The following ARHGAP28 variants were observed in gnomAD, a reference collection of about 807,000 sequenced individuals.
ARHGAP28 encodes the protein Rho GTPase activating protein 28, also known as rho GTPase-activating protein 28.
Under a neutral mutation model 90.7 loss-of-function variants are expected in ARHGAP28, and 56 were observed. The observed-to-expected ratio is 0.62, with a 90% CI of 0.50 to 0.77. The LOEUF (loss-of-function observed/expected upper bound fraction) is 0.77, where lower values mean the gene tolerates loss of function less well. ARHGAP28 is among the 30% of genes least tolerant of loss of function. The pLI, the probability that ARHGAP28 is intolerant of heterozygous loss-of-function variation, is 0.00. For missense variants in ARHGAP28, 869 were observed against 900.9 expected, an observed-to-expected ratio of 0.96 and a Z score of 0.45; for synonymous variants, 308 against 323.3, an observed-to-expected ratio of 0.95 and a Z score of 0.51.
At chr18:6,898,258 G>C (rs1012353674) in intron 16 of ARHGAP28, 1 of 451,910 alleles carries the variant, frequency 2.2e-6, no homozygotes, top group African/African-American at 2.0e-5. Flanking sequence ...GGAAGGCATA[G>C]TGACCAGGAA....
chr18:6,747,543 T>A (rs1307187908), intron 1 of ARHGAP28, among the ~76,000 whole-genome samples: 1 of 152,168 alleles, frequency 6.6e-6, no homozygotes, highest in Non-Finnish European at 1.5e-5. Flanking sequence ...TGGGAGGGTG[T>A]CTTCAACTCT....
In ARHGAP28 at chr18:6,839,077, A is replaced by G. The variant is rs370039914; in HGVS notation, c.543+1663A>G. On this transcript the variant is annotated intron_variant, in intron 3 of 17. Transcript: ENST00000383472. ...AGTGGCACTTAGAGTTCTTTATGCT[A>G]TGATACTGCAGCAGTACCAAGGGAT... Among the ~76,000 whole-genome samples the G allele has an allele frequency of 9.2e-5, 14 of 152,100 alleles. No homozygotes were observed. The East Asian group carries it at 1.3e-3, about 15-fold the overall frequency.
chr18:6,841,189 C>T (rs1175601287), intron 3 of ARHGAP28, among the ~76,000 whole-genome samples: 4 of 59,716 alleles, frequency 6.7e-5, no homozygotes, highest in African/African-American at 1.9e-4. Context: ...TCCTCTCTCT[C>T]TCTCTCTCTC....
chr18:6,779,501 G>GT, intron 1 of ARHGAP28, among the ~76,000 whole-genome samples: 1 of 152,292 alleles, frequency 6.6e-6, no homozygotes, highest in East Asian at 1.9e-4. Flanking sequence ...CATGAACACT[G>GT]TGTTTATATT....
chr18:6,751,746 C>T (rs1261669178), intron 1 of ARHGAP28, among the ~76,000 whole-genome samples: 1 of 152,200 alleles, frequency 6.6e-6, no homozygotes, highest in Non-Finnish European at 1.5e-5. Flanking sequence ...CTGCTAGCAG[C>T]GTCATAGATC....
At chr18:6,747,308 G>C (rs937202892) in intron 1 of ARHGAP28, among the ~76,000 whole-genome samples, 6 of 152,152 alleles carry the variant, frequency 3.9e-5, no homozygotes, top group African/African-American at 1.4e-4. Flanking sequence ...GTGTATATTG[G>C]TCTATAGATG....
At chr18:6,840,254 C>T (rs959764413) in intron 3 of ARHGAP28, among the ~76,000 whole-genome samples, 1 of 152,210 alleles carries the variant, frequency 6.6e-6, no homozygotes, top group Non-Finnish European at 1.5e-5. Context: ...GTCCTAAAAT[C>T]TTTGCATCCA....
intron 16 of ARHGAP28, among the ~76,000 whole-genome samples, chr18:6,902,678 G>A (rs1267971398): frequency 6.6e-6 from 1 of 152,142 alleles, no homozygotes; most frequent in Non-Finnish European, 1.5e-5. Context: ...AAGTGCTGGC[G>A]AAGATGAGAA....
At chr18:6,883,544 C>T (rs1461626144) in intron 11 of ARHGAP28, among the ~76,000 whole-genome samples, 1 of 151,842 alleles carries the variant, frequency 6.6e-6, no homozygotes, top group African/African-American at 2.4e-5. Flanking sequence ...GGCCCAGCCA[C>T]TAATTTAAAT....
Position 6,887,027 on chromosome 18 carries a change from G to T in ARHGAP28, c.1454-130G>T, listed in dbSNP as rs1023750291. The T allele has an allele frequency of 2.8e-5, 21 of 741,316 alleles. No individual in the cohort carries two copies. The African/African-American group carries it at 3.6e-4, about 13-fold the overall frequency. 45.9% of individuals were successfully genotyped at this position (741,316 alleles called of 1,614,324 possible). On this transcript the variant is annotated intron_variant, in intron 11 of 17. Coordinates refer to ENST00000383472, the MANE Select transcript of ARHGAP28 (RefSeq NM_001366230.1). ...CAAGTGAACAAATTTACATTGCTGGGCACAAAACCTGAGTCTTTACCACCA... is the reference window on the plus strand; with the variant it reads ...CAAGTGAACAAATTTACATTGCTGGTCACAAAACCTGAGTCTTTACCACCA...
intron 16 of ARHGAP28, among the ~76,000 whole-genome samples, chr18:6,904,887 C>T (rs764228160): frequency 3.3e-5 from 5 of 152,110 alleles, no homozygotes; most frequent in Admixed American, 6.5e-5. Flanking sequence ...AATTGACTAG[C>T]TGAATAGTGC....
At chr18:6,755,426 T>A (rs1230360492) in intron 1 of ARHGAP28, among the ~76,000 whole-genome samples, 2 of 151,598 alleles carry the variant, frequency 1.3e-5, no homozygotes, top group Admixed American at 1.3e-4. Context: ...TAGAGGGAAA[T>A]GAAGTGTTTA....
At chr18:6,868,535 A>T (rs1424712953) in intron 6 of ARHGAP28, among the ~76,000 whole-genome samples, 1 of 152,116 alleles carries the variant, frequency 6.6e-6, no homozygotes, top group Non-Finnish European at 1.5e-5. Context: ...TTCCCAAGTG[A>T]TGTGGTCTGC....
chr18:6,752,524 C>T (rs1299957484), intron 1 of ARHGAP28, among the ~76,000 whole-genome samples: 1 of 152,162 alleles, frequency 6.6e-6, no homozygotes, highest in Non-Finnish European at 1.5e-5. Context: ...CTTTTTGTGT[C>T]TAAATTTGAG....
chr18:6,758,920 A>G (rs2056135642), intron 1 of ARHGAP28, among the ~76,000 whole-genome samples: 1 of 152,224 alleles, frequency 6.6e-6, no homozygotes, highest in South Asian at 2.1e-4. Flanking sequence ...TTGTGAAATA[A>G]TGTGGAACTT....
intron 1 of ARHGAP28, among the ~76,000 whole-genome samples, chr18:6,820,027 A>T (rs192090439): frequency 6.6e-6 from 1 of 152,316 alleles, no homozygotes; most frequent in East Asian, 1.9e-4. Flanking sequence ...GTTATGAAAT[A>T]TGTGAAGAAA....
intron 1 of ARHGAP28, among the ~76,000 whole-genome samples, chr18:6,803,862 C>G (rs1051457195): frequency 6.6e-6 from 1 of 151,848 alleles, no homozygotes; most frequent in Non-Finnish European, 1.5e-5. Flanking sequence ...CACCGCAAGC[C>G]CCGCCTCCCG....
chr18:6,863,039 A>G (rs1199106808), intron 5 of ARHGAP28, among the ~76,000 whole-genome samples: 1 of 152,048 alleles, frequency 6.6e-6, no homozygotes, highest in African/African-American at 2.4e-5. Context: ...TTTTTCATTT[A>G]ATTTTATGAT....
In ARHGAP28 at chr18:6,793,412, GTTC is replaced by G. The variant is rs749350543; in HGVS notation, c.123-31342_123-31340del. On this transcript the variant is annotated intron_variant, in intron 1 of 17. Coordinates refer to ENST00000383472, the MANE Select transcript of ARHGAP28 (RefSeq NM_001366230.1). ...TACCTCTATTTTGTTTCATGTTTAT[GTTC>G]TTCTTCTGCATTCTGTCTTCCTACA... Among the ~76,000 whole-genome samples, 13 of 152,282 alleles carry G rather than the reference GTTC, an allele frequency of 8.5e-5. No individual in the cohort carries two copies. In the East Asian group the frequency reaches 1.5e-3, roughly 18 times the overall value.
Sources: gnomAD v4.1 joint callset for allele counts (sites outside exome capture counted in the v4.1 genomes callset) on GRCh38, gnomAD v4.1.1 for gene constraint, MANE v1.5 for transcripts, NCBI Gene and HGNC (gene_info 2026-07-23, HGNC 2026-07-21) for gene names.